Variants in HM13 observed in about 807,000 individuals in gnomAD.
HM13 encodes signal peptide peptidase.
A neutral mutation model predicts 50.0 loss-of-function variants in HM13; 18 were observed. The ratio of observed to expected loss-of-function variants is 0.36; its 90% CI spans 0.25 to 0.53. The LOEUF (loss-of-function observed/expected upper bound fraction) is 0.53, where lower values mean the gene tolerates loss of function less well. Ranked by LOEUF, HM13 falls within the 20% of genes least tolerant of loss-of-function variation. The probability of loss-of-function intolerance (pLI) is 0.90; values close to 1 mark genes in which losing one functional copy is unlikely to be tolerated. For synonymous variants in HM13, 197 were observed against 232.6 expected, an observed-to-expected ratio of 0.85 and a Z score of 1.39; for missense variants, 393 against 552.4, an observed-to-expected ratio of 0.71 and a Z score of 2.89.
Position 31,561,543 on chromosome 20 carries a change from C to G in HM13, c.846-91C>G. The G allele has an allele frequency of 5.6e-6, 5 of 898,834 alleles. No homozygotes were observed. In the East Asian group the frequency reaches 9.7e-5, roughly 17 times the overall value. The allele number at this position is 898,834 out of a possible 1,614,324, so 55.7% of individuals were successfully genotyped here. A position where few individuals can be genotyped will look rare whatever the true frequency, so the allele number is the denominator to read the frequency against. ...GAGCTCAGTCACCCCCCCACAACCT[C>G]TAGGGTCTTCCCCAGCTCCCTCAGA... On this transcript the variant is annotated intron_variant, in intron 9 of 12. Transcript: ENST00000398174.
intron 1 of HM13, among the ~76,000 whole-genome samples, chr20:31,521,757 G>A (rs1240457978): frequency 6.8e-6 from 1 of 147,432 alleles, no homozygotes; most frequent in African/African-American, 2.5e-5. Flanking sequence ...TACCTGCTTT[G>A]TGGGGTTTTT....
chr20:31,563,127 C>T (rs890169894), intron 10 of HM13: 1 of 152,424 alleles, frequency 6.6e-6, no homozygotes, highest in Admixed American at 6.5e-5. Flanking sequence ...AACACTACAT[C>T]AGGCTGGGCC....
At chr20:31,559,933 C>T (rs898045735) in intron 9 of HM13, among the ~76,000 whole-genome samples, 7 of 152,254 alleles carry the variant, frequency 4.6e-5, no homozygotes, top group Non-Finnish European at 1.5e-5. Context: ...GCCTGACCTT[C>T]CTGAGCCTCT....
chr20:31,538,458 T>C (rs770309025), intron 3 of HM13, 197 bp downstream of exon 3: 4 of 1,428,794 alleles, frequency 2.8e-6, no homozygotes, highest in Non-Finnish European at 3.7e-6. Context: ...AGTTTCCTTA[T>C]AGACATGATG....
At chr20:31,523,684 A>G (rs1055604478) in intron 1 of HM13, among the ~76,000 whole-genome samples, 6 of 152,190 alleles carry the variant, frequency 3.9e-5, no homozygotes, top group African/African-American at 7.2e-5. Flanking sequence ...TACCCATACT[A>G]CTGCTACACA....
chr20:31,535,040 C>T (rs990595615), intron 2 of HM13, among the ~76,000 whole-genome samples: 10 of 151,142 alleles, frequency 6.6e-5, no homozygotes, highest in African/African-American at 1.9e-4. Flanking sequence ...GAGCCAAGAT[C>T]GTGCCACTGC....
At chr20:31,559,578 C>T in intron 8 of HM13, 33 bp from the exon 9 acceptor site, 1 of 1,613,160 alleles carries the variant, frequency 6.2e-7, no homozygotes, top group South Asian at 1.1e-5. Context: ...TGCTGCTTCC[C>T]TGCCACTCTC....
chr20:31,547,615 CCATGGCTTAAT>C, intron 4 of HM13: 1 of 1,576,606 alleles, frequency 6.3e-7, no homozygotes, highest in Non-Finnish European at 8.6e-7. Flanking sequence ...AGGTATTGAA[CCATGGCTTAAT>C]CAAATCATGC....
intron 2 of HM13, among the ~76,000 whole-genome samples, chr20:31,530,821 A>C (rs1261381810): frequency 6.6e-6 from 1 of 152,148 alleles, no homozygotes. Context: ...AACACTTCAT[A>C]CACATAATTT....
intron 9 of HM13, 101 bp from the exon 10 acceptor site, chr20:31,561,533 C>A: frequency 2.5e-6 from 2 of 806,618 alleles, no homozygotes; most frequent in Non-Finnish European, 4.3e-6. Context: ...CAGTCACCCC[C>A]CCACAACCTC....
At chr20:31,522,185 G>A (rs955978319) in intron 1 of HM13, among the ~76,000 whole-genome samples, 4 of 152,148 alleles carry the variant, frequency 2.6e-5, no homozygotes, top group African/African-American at 9.7e-5. Flanking sequence ...AAGCCACAGA[G>A]TCCTGCGTGT....
At chr20:31,527,462 T>C in intron 1 of HM13, 22 bp from the exon 2 acceptor site, 2 of 1,565,062 alleles carry the variant, frequency 1.3e-6, no homozygotes, top group Non-Finnish European at 1.8e-6. Context: ...TGCTGAGCCA[T>C]TGTCATTCTT....
rs976870047 is a variant in HM13 at position 31,554,545 on chromosome 20, G to T, written c.725-201G>T. ...AAAATACAAAAAATTAGCTGGGTGC[G>T]GTGGTGGGCGCCTGTAGTTCCAGCT... On this transcript the variant is annotated intron_variant, in intron 7 of 12. Coordinates refer to ENST00000398174, the MANE Select transcript of HM13 (RefSeq NM_178581.3). 7.7e-6 allele frequency: 4 copies of T among 519,214 alleles called. No individual in the cohort carries two copies. The Admixed American group carries it at 1.3e-4, about 17-fold the overall frequency. 32.2% of individuals were successfully genotyped at this position (519,214 alleles called of 1,614,324 possible).
intron 1 of HM13, among the ~76,000 whole-genome samples, chr20:31,522,214 C>G (rs974591608): frequency 6.6e-6 from 1 of 152,110 alleles, no homozygotes; most frequent in South Asian, 2.1e-4. Flanking sequence ...AGCCCTGAGC[C>G]TCTGCATGTG....
At chr20:31,539,267 CTA>C in intron 3 of HM13, 1 of 985,544 alleles carries the variant, frequency 1.0e-6, no homozygotes, top group Non-Finnish European at 1.2e-6. Context: ...CAGCTTGTGA[CTA>C]CAGAGATGTC....
In HM13 at chr20:31,517,885, C is replaced by T. The variant is rs564801797; in HGVS notation, c.183+3151C>T. On this transcript the variant is annotated intron_variant, in intron 1 of 12. Transcript: ENST00000398174. ...AAGGAAAAGCCTCCTGGGCACTATT[C>T]CTTGGAAGTAACCCAACTGGCTGTT... Among the ~76,000 whole-genome samples the T allele has an allele frequency of 7.9e-5, 12 of 151,724 alleles. No homozygotes were observed. In the South Asian group the frequency reaches 2.3e-3, roughly 29 times the overall value.
intron 9 of HM13, 128 bp downstream of exon 9, chr20:31,559,775 T>C: frequency 1.2e-6 from 1 of 861,220 alleles, no homozygotes; most frequent in Non-Finnish European, 1.9e-6. Flanking sequence ...CAATTCTGAT[T>C]TTATCTGCAT....
At chr20:31,566,701 G>C (rs1191535304) in intron 11 of HM13, among the ~76,000 whole-genome samples, 5 of 152,094 alleles carry the variant, frequency 3.3e-5, no homozygotes, top group Non-Finnish European at 1.5e-5. Flanking sequence ...GGATGCCCTA[G>C]TGTGGTAGAA....
At chr20:31,568,640 T>C (rs1985073581) in intron 12 of HM13, among the ~76,000 whole-genome samples, 1 of 152,166 alleles carries the variant, frequency 6.6e-6, no homozygotes, top group Non-Finnish European at 1.5e-5. Flanking sequence ...ATGAAGCCCA[T>C]AGAAGAAGCT....
Sources: gnomAD v4.1 joint callset for allele counts (sites outside exome capture counted in the v4.1 genomes callset) on GRCh38, gnomAD v4.1.1 for gene constraint, MANE v1.5 for transcripts, NCBI Gene and HGNC (gene_info 2026-07-23, HGNC 2026-07-21) for gene names.